Variants in ARHGEF28 observed in about 807,000 individuals in gnomAD.
ARHGEF28 encodes the protein Rho guanine nucleotide exchange factor 28.
ARHGEF28 carries 152 observed loss-of-function variants against 206.6 expected under a neutral mutation model. The ratio of observed to expected loss-of-function variants is 0.74; its 90% CI spans 0.64 to 0.84. The LOEUF (loss-of-function observed/expected upper bound fraction) is 0.84. ARHGEF28 is among the 40% of genes least tolerant of loss of function. The pLI, the probability that ARHGEF28 is intolerant of heterozygous loss-of-function variation, is 0.00. For missense variants in ARHGEF28, 2,028 were observed against 2,073.2 expected, an observed-to-expected ratio of 0.98 and a Z score of 0.42; for synonymous variants, 763 against 776.4, an observed-to-expected ratio of 0.98 and a Z score of 0.29.
chr5:73,660,848 A>C (rs1745553674), intron 1 of ARHGEF28, among the ~76,000 whole-genome samples: 1 of 152,192 alleles, frequency 6.6e-6, no homozygotes, highest in Non-Finnish European at 1.5e-5. Flanking sequence ...ATGTACTGTC[A>C]TCCAGGCTTT....
chr5:73,681,288 T>C (rs1409864265), intron 1 of ARHGEF28, among the ~76,000 whole-genome samples: 2 of 152,202 alleles, frequency 1.3e-5, no homozygotes, highest in African/African-American at 4.8e-5. Context: ...GTGAGGATCA[T>C]AGTATATGCT....
intron 7 of ARHGEF28, among the ~76,000 whole-genome samples, chr5:73,781,164 T>G (rs1455678491): frequency 1.3e-5 from 2 of 152,208 alleles, no homozygotes; most frequent in East Asian, 3.9e-4. Flanking sequence ...AAGGAGTTTT[T>G]GTCATCACGA....
intron 2 of ARHGEF28, among the ~76,000 whole-genome samples, chr5:73,738,447 G>A (rs1427737440): frequency 6.6e-6 from 1 of 151,550 alleles, no homozygotes; most frequent in Non-Finnish European, 1.5e-5. Context: ...GCATTGCTTG[G>A]CAGAGTCTTT....
At chr5:73,738,667 A>G (rs1018874551) in intron 2 of ARHGEF28, among the ~76,000 whole-genome samples, 1 of 152,196 alleles carries the variant, frequency 6.6e-6, no homozygotes, top group Non-Finnish European at 1.5e-5. Flanking sequence ...CCTGTGGAAC[A>G]CAAGGACTTG....
At chr5:73,908,153 A>G (rs1318285068) in intron 33 of ARHGEF28, among the ~76,000 whole-genome samples, 2 of 152,206 alleles carry the variant, frequency 1.3e-5, no homozygotes, top group African/African-American at 4.8e-5. Flanking sequence ...CTAAATATTC[A>G]TGTGTCTGAA....
At chr5:73,711,592 G>A (rs1749249467) in intron 2 of ARHGEF28, among the ~76,000 whole-genome samples, 1 of 152,056 alleles carries the variant, frequency 6.6e-6, no homozygotes, top group Non-Finnish European at 1.5e-5. Context: ...CTATCATGAT[G>A]TTTGTTTCTA....
chr5:73,841,712 GA>G (rs33935657), intron 11 of ARHGEF28, among the ~76,000 whole-genome samples: 65,888 of 110,838 alleles, frequency 0.59, 16,451 homozygotes, highest in East Asian at 0.75. Flanking sequence ...TCAAAAAGAA[GA>G]AAAAAAAAAA....
chr5:73,904,122 A>G (rs939744977), intron 31 of ARHGEF28, 100 bp from the exon 32 acceptor site: 118 of 1,161,282 alleles, frequency 1.0e-4, no homozygotes, highest in Non-Finnish European at 1.4e-4. Context: ...GTTTAGAGAT[A>G]GCAAAGTGAT....
At chr5:73,922,691 C>CT (rs1308532865) in intron 35 of ARHGEF28, among the ~76,000 whole-genome samples, 1 of 152,016 alleles carries the variant, frequency 6.6e-6, no homozygotes, top group Admixed American at 6.6e-5. Context: ...TTGGAATGTT[C>CT]TTATAACAAG....
chr5:73,752,035 T>A (rs923781883), intron 3 of ARHGEF28, among the ~76,000 whole-genome samples: 10 of 152,282 alleles, frequency 6.6e-5, no homozygotes, highest in Non-Finnish European at 1.3e-4. Context: ...AGAGGAGGAA[T>A]GATTGTACCT....
intron 13 of ARHGEF28, 124 bp downstream of exon 13, chr5:73,849,211 GGT>G: frequency 1.4e-6 from 1 of 719,916 alleles, no homozygotes; most frequent in South Asian, 2.0e-5. Context: ...TTTCATAACT[GGT>G]TTTTCTAAGC....
intron 2 of ARHGEF28, among the ~76,000 whole-genome samples, chr5:73,742,652 G>A (rs990796637): frequency 3.9e-4 from 58 of 150,508 alleles, no homozygotes; most frequent in African/African-American, 1.1e-3. Context: ...GTGAAACCCC[G>A]TCTCTACTAA....
chr5:73,898,315 G>T (rs1487744903), intron 30 of ARHGEF28: 2 of 440,162 alleles, frequency 4.5e-6, no homozygotes, highest in Non-Finnish European at 7.7e-6. Context: ...AGAGTAGTTG[G>T]TGGGTTATAC....
chr5:73,793,033 G>A (rs1426428767), intron 7 of ARHGEF28, among the ~76,000 whole-genome samples: 2 of 152,144 alleles, frequency 1.3e-5, no homozygotes, highest in Non-Finnish European at 2.9e-5. Context: ...CTCATTCCCT[G>A]CTGAGATCAG....
At chr5:73,654,372 G>A (rs567828119) in intron 1 of ARHGEF28, among the ~76,000 whole-genome samples, 1 of 152,304 alleles carries the variant, frequency 6.6e-6, no homozygotes, top group South Asian at 2.1e-4. Flanking sequence ...AGCCTCAAAT[G>A]GCAGGTACAG....
intron 9 of ARHGEF28, among the ~76,000 whole-genome samples, chr5:73,823,528 G>A (rs1756716690): frequency 1.3e-5 from 2 of 152,118 alleles, no homozygotes; most frequent in Non-Finnish European, 2.9e-5. Flanking sequence ...TTAGGTCTTT[G>A]AGTCTTGAGT....
At chr5:73,828,397 GC>G (rs980543343) in intron 9 of ARHGEF28, among the ~76,000 whole-genome samples, 9 of 152,188 alleles carry the variant, frequency 5.9e-5, no homozygotes, top group African/African-American at 2.2e-4. Flanking sequence ...GGATGTTTGT[GC>G]CAATGTTATT....
chr5:73,692,451 A>C (rs534562038), intron 2 of ARHGEF28, among the ~76,000 whole-genome samples: 1 of 152,322 alleles, frequency 6.6e-6, no homozygotes, highest in South Asian at 2.1e-4. Flanking sequence ...AGCTGGATCT[A>C]AGATACTTCG....
chr5:73,719,169 A>G (rs1227915343), intron 2 of ARHGEF28, among the ~76,000 whole-genome samples: 1 of 152,100 alleles, frequency 6.6e-6, no homozygotes, highest in African/African-American at 2.4e-5. Context: ...TCCTATCCTA[A>G]GGCAGCCATC....
Sources: gnomAD v4.1 joint callset for allele counts (sites outside exome capture counted in the v4.1 genomes callset) on GRCh38, gnomAD v4.1.1 for gene constraint, MANE v1.5 for transcripts, NCBI Gene and HGNC (gene_info 2026-07-23, HGNC 2026-07-21) for gene names.